The following KLRF1 variants were observed in gnomAD, a reference collection of about 807,000 sequenced individuals.
The protein encoded by KLRF1 is killer cell lectin-like receptor subfamily F member 1.
Under a neutral mutation model 30.7 loss-of-function variants are expected in KLRF1, and 27 were observed. The ratio of observed to expected loss-of-function variants is 0.88; its 90% CI spans 0.65 to 1.21. The LOEUF (loss-of-function observed/expected upper bound fraction) is 1.21. Among genes scored for constraint, KLRF1 ranks in the 50% most tolerant of loss-of-function variants. The pLI, the probability that KLRF1 is intolerant of heterozygous loss-of-function variation, is 0.00. For missense variants in KLRF1, 246 were observed against 259.3 expected, an observed-to-expected ratio of 0.95 and a Z score of 0.35; for synonymous variants, 92 against 89.3, an observed-to-expected ratio of 1.03 and a Z score of -0.17.
At chr12:9,802,032 A>C in the KLRF1 span, among the ~76,000 whole-genome samples, 1 of 151,960 alleles carries the variant, frequency 6.6e-6, no homozygotes, top group African/African-American at 2.4e-5. Flanking sequence ...GAGACACAAC[A>C]AAAAAAGAAA....
chr12:9,830,947 A>AAT (rs1867407198), intron 1 of KLRF1, among the ~76,000 whole-genome samples: 1 of 151,676 alleles, frequency 6.6e-6, no homozygotes, highest in African/African-American at 2.4e-5. Context: ...CATCTTTTAA[A>AAT]ATTTTTTTTT....
At chr12:9,820,763 C>T in the KLRF1 span, among the ~76,000 whole-genome samples, 1 of 152,200 alleles carries the variant, frequency 6.6e-6, no homozygotes, top group African/African-American at 2.4e-5. Context: ...CCCACAACCC[C>T]TCCACCACTG....
At chr12:9,831,958 G>C (rs1867437979) in intron 1 of KLRF1, among the ~76,000 whole-genome samples, 1 of 152,096 alleles carries the variant, frequency 6.6e-6, no homozygotes, top group Non-Finnish European at 1.5e-5. Context: ...TGTTTATGTG[G>C]ATACACATGT....
the KLRF1 span, among the ~76,000 whole-genome samples, chr12:9,819,188 C>T: frequency 2.6e-5 from 4 of 152,126 alleles, no homozygotes; most frequent in South Asian, 4.1e-4. Flanking sequence ...CTCTCAGGCA[C>T]ACGCAGAGCC....
the KLRF1 span, among the ~76,000 whole-genome samples, chr12:9,809,294 A>G: frequency 6.6e-6 from 1 of 152,168 alleles, no homozygotes; most frequent in South Asian, 2.1e-4. Context: ...AAATATATCT[A>G]AAAAGAAAGG....
chr12:9,818,959 A>C, the KLRF1 span, among the ~76,000 whole-genome samples: 1 of 152,184 alleles, frequency 6.6e-6, no homozygotes, highest in Non-Finnish European at 1.5e-5. Context: ...TCCGTGGAGG[A>C]TGAAGTAAAG....
intron 1 of KLRF1, among the ~76,000 whole-genome samples, chr12:9,828,440 C>G (rs1254232274): frequency 6.6e-6 from 1 of 152,106 alleles, no homozygotes; most frequent in African/African-American, 2.4e-5. Flanking sequence ...CAAGTTGACT[C>G]AAAATAAAGT....
At chr12:9,832,775 A>G (rs1241977855) in intron 2 of KLRF1, among the ~76,000 whole-genome samples, 2 of 152,032 alleles carry the variant, frequency 1.3e-5, no homozygotes, top group Non-Finnish European at 1.5e-5. Flanking sequence ...TTGCTTAAAT[A>G]TTTTAATACA....
At chr12:9,829,564 G>A (rs919934259) in intron 1 of KLRF1, among the ~76,000 whole-genome samples, 1 of 151,990 alleles carries the variant, frequency 6.6e-6, no homozygotes, top group Non-Finnish European at 1.5e-5. Context: ...ACCTGCCTGG[G>A]CAACAAATCA....
chr12:9,821,444 G>A, the KLRF1 span, among the ~76,000 whole-genome samples: 1 of 152,110 alleles, frequency 6.6e-6, no homozygotes, highest in Non-Finnish European at 1.5e-5. Context: ...GAGGAGCAAA[G>A]TTCATCTCCC....
the KLRF1 span, among the ~76,000 whole-genome samples, chr12:9,811,319 C>CAAAAAAAAAAAAAAAAA: frequency 1.6e-5 from 1 of 62,184 alleles, no homozygotes; most frequent in East Asian, 4.7e-4. Context: ...AGAAGTAGTC[C>CAAAAAAAAAAAAAAAAA]AAAAAAAAAA....
intron 2 of KLRF1, among the ~76,000 whole-genome samples, chr12:9,832,896 T>A (rs1282407802): frequency 6.6e-6 from 1 of 152,058 alleles, no homozygotes; most frequent in Non-Finnish European, 1.5e-5. Flanking sequence ...AAGAAAAGAA[T>A]AGTCAGGGTG....
At chr12:9,840,522 A>G (rs1867677570) in intron 3 of KLRF1, among the ~76,000 whole-genome samples, 1 of 152,130 alleles carries the variant, frequency 6.6e-6, no homozygotes, top group Non-Finnish European at 1.5e-5. Flanking sequence ...CCTTAATATT[A>G]AGCTAGGAAA....
intron 2 of KLRF1, among the ~76,000 whole-genome samples, chr12:9,832,633 C>A (rs969240914): frequency 1.3e-5 from 2 of 148,348 alleles, no homozygotes; most frequent in Admixed American, 6.8e-5. Context: ...CAGTCTAATA[C>A]GGAGAAAGGA....
In KLRF1 at chr12:9,841,799, C is replaced by T. The variant is rs747700967; in HGVS notation, c.335-13C>T. ...TAATTTAATTTCATTTTGTTTTCTA[C>T]ATTTCTCTGTAGTACTATGCCAATC... On this transcript the variant is annotated splice_polypyrimidine_tract_variant and intron_variant, in intron 3 of 5. Coordinates refer to ENST00000617889, the MANE Select transcript of KLRF1 (RefSeq NM_016523.3). 9.5e-6 allele frequency: 15 copies of T among 1,581,504 alleles called. No individual in the cohort carries two copies. Among genetic ancestry groups the T allele is most frequent in the African/African-American group, 4.1e-5 (3 of 73,210 alleles).
the KLRF1 span, among the ~76,000 whole-genome samples, chr12:9,806,938 T>A: frequency 1.3e-5 from 2 of 152,110 alleles, no homozygotes; most frequent in African/African-American, 4.8e-5. Context: ...CTGCCCAGCT[T>A]CTCAAAGTGC....
chr12:9,841,676 T>C (rs1867705263), intron 3 of KLRF1, 136 bp from the exon 4 acceptor site: 2 of 597,814 alleles, frequency 3.3e-6, no homozygotes, highest in African/African-American at 1.9e-5. Flanking sequence ...ATCTTTTGTG[T>C]CTGGACAATT....
At chr12:9,832,269 C>G in intron 1 of KLRF1, 47 bp from the exon 2 acceptor site, 1 of 1,047,010 alleles carries the variant, frequency 9.6e-7, no homozygotes, top group Non-Finnish European at 1.5e-6. Flanking sequence ...TGTATTACTT[C>G]CTGGAAGCAT....
At chr12:9,802,081 A>G in the KLRF1 span, among the ~76,000 whole-genome samples, 1 of 152,068 alleles carries the variant, frequency 6.6e-6, no homozygotes, top group Non-Finnish European at 1.5e-5. Flanking sequence ...CAATGCAAAA[A>G]TCCTCAATAT....
Sources: allele counts gnomAD v4.1 joint callset (sites outside exome capture counted in the v4.1 genomes callset), GRCh38; gene constraint gnomAD v4.1.1; transcripts MANE v1.5; gene names NCBI Gene and HGNC (gene_info 2026-07-23, HGNC 2026-07-21).